Variants in PRKAR2A observed in about 807,000 individuals in gnomAD.
PRKAR2A encodes cAMP-dependent protein kinase type II-alpha regulatory subunit.
In PRKAR2A, 29 loss-of-function variants were observed where a neutral mutation model predicts 51.9. That is an observed-to-expected ratio of 0.56 (90% CI 0.42 to 0.76). PRKAR2A has a LOEUF of 0.76. Ranked by LOEUF, PRKAR2A falls within the 30% of genes least tolerant of loss-of-function variation. The pLI is 0.00. For missense variants in PRKAR2A, 445 were observed against 512.1 expected, an observed-to-expected ratio of 0.87 and a Z score of 1.26; for synonymous variants, 178 against 186.2, an observed-to-expected ratio of 0.96 and a Z score of 0.36.
intron 4 of PRKAR2A, among the ~76,000 whole-genome samples, chr3:48,783,608 T>C (rs572248847): frequency 4.6e-4 from 70 of 151,940 alleles, no homozygotes; most frequent in African/African-American, 1.6e-3. Context: ...GGAGACGGAG[T>C]CTCACTCTGT....
At chr3:48,779,654 C>A (rs2082161503) in intron 5 of PRKAR2A, among the ~76,000 whole-genome samples, 1 of 151,300 alleles carries the variant, frequency 6.6e-6, no homozygotes. Flanking sequence ...GTGGTGGGTG[C>A]CTGTAATCCC....
At chr3:48,793,673 A>T (rs2082430491) in intron 3 of PRKAR2A, among the ~76,000 whole-genome samples, 1 of 151,268 alleles carries the variant, frequency 6.6e-6, no homozygotes, top group African/African-American at 2.4e-5. Context: ...TTTTTTCCCC[A>T]CAGAGATGGG....
At chr3:48,779,981 G>A (rs2082168199) in intron 5 of PRKAR2A, among the ~76,000 whole-genome samples, 1 of 151,522 alleles carries the variant, frequency 6.6e-6, no homozygotes, top group Admixed American at 6.6e-5. Flanking sequence ...CCAACATGGT[G>A]AAACCCCATC....
intron 1 of PRKAR2A, among the ~76,000 whole-genome samples, chr3:48,808,544 C>T (rs545799243): frequency 8.1e-5 from 12 of 147,492 alleles, no homozygotes; most frequent in African/African-American, 2.3e-4. Flanking sequence ...TGAGCCACCG[C>T]GCCTGGCCTG....
At position 48,804,320 on chromosome 3, in the gene PRKAR2A, GC is replaced by G. The variant is rs534688569; in HGVS notation, c.298+3328del. On this transcript the variant is annotated intron_variant, in intron 2 of 10. Coordinates refer to ENST00000265563, the MANE Select transcript of PRKAR2A (RefSeq NM_004157.4). ...CACTAAAAATACAAAAATTAGCCAG[GC>G]ATGGTAGCGTGCACCTGTGGTCCCA... is the stretch of plus-strand genomic sequence containing the variant. Among the ~76,000 whole-genome samples, 356 of 152,190 alleles carry G rather than the reference GC, an allele frequency of 2.3e-3. 3 individuals carry two copies. The highest frequency in any genetic ancestry group is 8.1e-3 in the African/African-American group (338 of 41,530).
intron 1 of PRKAR2A, among the ~76,000 whole-genome samples, chr3:48,830,875 A>G (rs1039412745): frequency 2.6e-5 from 4 of 152,198 alleles, no homozygotes; most frequent in African/African-American, 7.2e-5. Flanking sequence ...AATCCCTGGC[A>G]TGCACACTGT....
At chr3:48,828,917 T>G (rs897230352) in intron 1 of PRKAR2A, among the ~76,000 whole-genome samples, 4 of 151,808 alleles carry the variant, frequency 2.6e-5, no homozygotes, top group Admixed American at 1.3e-4. Context: ...CACTGCAACC[T>G]CTGCTTCCCA....
At chr3:48,752,700 CCCA>C (rs2081671631) in intron 9 of PRKAR2A, among the ~76,000 whole-genome samples, 1 of 151,842 alleles carries the variant, frequency 6.6e-6, no homozygotes, top group Admixed American at 6.6e-5. Flanking sequence ...CCCCATGCCC[CCCA>C]CATTTTTTTT....
intron 1 of PRKAR2A, among the ~76,000 whole-genome samples, chr3:48,832,307 A>C (rs887066263): frequency 6.6e-6 from 1 of 150,884 alleles, no homozygotes; most frequent in Non-Finnish European, 1.5e-5. Context: ...AAAAAAAAAA[A>C]AAACAAAAAA....
chr3:48,805,439 C>G (rs1238544041), intron 2 of PRKAR2A, among the ~76,000 whole-genome samples: 1 of 152,174 alleles, frequency 6.6e-6, no homozygotes, highest in Non-Finnish European at 1.5e-5. Flanking sequence ...GCGGATTTAG[C>G]TGAAGACTAA....
At chr3:48,823,470 G>A (rs1438534405) in intron 1 of PRKAR2A, among the ~76,000 whole-genome samples, 1 of 152,028 alleles carries the variant, frequency 6.6e-6, no homozygotes, top group African/African-American at 2.4e-5. Context: ...GGTCACAGAA[G>A]TCTTCCATGT....
intron 8 of PRKAR2A, 83 bp from the exon 9 acceptor site, chr3:48,756,527 G>A (rs2081768995): frequency 3.1e-6 from 3 of 973,102 alleles, no homozygotes; most frequent in Non-Finnish European, 3.2e-6. Context: ...CACTGCTTAA[G>A]CTCTGATTTG....
At chr3:48,757,158 G>A (rs941861237) in intron 8 of PRKAR2A, among the ~76,000 whole-genome samples, 3 of 152,162 alleles carry the variant, frequency 2.0e-5, no homozygotes, top group Non-Finnish European at 1.5e-5. Flanking sequence ...AAGAGGGAGA[G>A]GTACTTCACC....
intron 10 of PRKAR2A, 121 bp downstream of exon 10, chr3:48,752,055 C>T (rs1358037803): frequency 1.1e-5 from 13 of 1,179,150 alleles, no homozygotes; most frequent in Admixed American, 8.3e-5. Context: ...TCTGGTTGGT[C>T]ACATAAACTG....
At chr3:48,762,148 G>A (rs552104726) in intron 8 of PRKAR2A, among the ~76,000 whole-genome samples, 13 of 152,132 alleles carry the variant, frequency 8.5e-5, no homozygotes, top group South Asian at 4.1e-4. Context: ...GGCCAGGTGC[G>A]GAGGTGCACA....
At chr3:48,817,730 G>C (rs2082896914) in intron 1 of PRKAR2A, among the ~76,000 whole-genome samples, 1 of 150,376 alleles carries the variant, frequency 6.6e-6, no homozygotes, top group African/African-American at 2.4e-5. Context: ...AGGACTGAGG[G>C]AGAAAAGAGA....
At chr3:48,765,716 CCTCAT>C (rs2081930704) in intron 6 of PRKAR2A, among the ~76,000 whole-genome samples, 1 of 101,392 alleles carries the variant, frequency 9.9e-6, no homozygotes, top group Non-Finnish European at 1.8e-5. Context: ...AGAGTGAGAC[CCTCAT>C]TTCAAAAAAA....
At chr3:48,771,871 G>A (rs941640858) in intron 6 of PRKAR2A, among the ~76,000 whole-genome samples, 1 of 151,694 alleles carries the variant, frequency 6.6e-6, no homozygotes, top group Non-Finnish European at 1.5e-5. Flanking sequence ...GTTAATTAAT[G>A]GTGTTAAGTT....
chr3:48,752,190 T>C lies in PRKAR2A; in HGVS notation c.1067A>G (p.Asp356Gly), dbSNP rs1375646539. 1 of 1,612,920 alleles carries C rather than the reference T, an allele frequency of 6.2e-7. No homozygotes were observed. Reference sequence around the variant, plus strand: ...ACTTTTCTTACCTAAGCATTTGACATCTCCAACTGCATAAGCTGAGGCAGC... The same window carrying C: ...ACTTTTCTTACCTAAGCATTTGACACCTCCAACTGCATAAGCTGAGGCAGC... ...PRAASAYAVG[D>G]VKCLVMDVQA... Residue 356 changes from aspartate to glycine, a missense_variant, in exon 10 of 11, where the codon GAT (aspartate) becomes GGT (glycine). Physicochemically the swap from Asp to Gly is moderately conservative, Grantham distance 94. Transcript: ENST00000265563.
Sources: allele counts gnomAD v4.1 joint callset (sites outside exome capture counted in the v4.1 genomes callset), GRCh38; gene constraint gnomAD v4.1.1; transcripts MANE v1.5; gene names NCBI Gene and HGNC (gene_info 2026-07-23, HGNC 2026-07-21).